Variants in CDC5L observed in about 807,000 individuals in gnomAD.
CDC5L encodes cell division cycle 5 like.
In CDC5L, 18 loss-of-function variants were observed where a neutral mutation model predicts 104.1. The observed-to-expected ratio is 0.17, with a 90% CI of 0.12 to 0.26. CDC5L has a LOEUF of 0.26. CDC5L is among the 10% of genes least tolerant of loss of function. The pLI, the probability that CDC5L is intolerant of heterozygous loss-of-function variation, is 1.00. For synonymous variants in CDC5L, 331 were observed against 322.7 expected (o/e 1.03, Z -0.28); for missense variants, 673 against 956.9 (o/e 0.70, Z 3.91).
chr6:44,395,844 C>A (rs1299007239), intron 4 of CDC5L, among the ~76,000 whole-genome samples: 3 of 151,332 alleles, frequency 2.0e-5, no homozygotes, highest in Non-Finnish European at 4.4e-5. Context: ...TATAGAGCCA[C>A]GAAAAATGTA....
rs35350278 is a variant in CDC5L, at chr6:44,450,021, AC to A, written c.*3312del. ...TGGGACTACAGGCATGTGCCACCGC[AC>A]CTGGCTAATTTTTGTGTTTTTAGTA... is the stretch of plus-strand genomic sequence containing the variant. On this transcript the variant is annotated 3_prime_UTR_variant, in exon 16 of 16. Coordinates refer to ENST00000371477, the MANE Select transcript of CDC5L (RefSeq NM_001253.4). The A allele has an allele frequency of 0.18, 26,619 of 151,854 alleles. 3,568 individuals are homozygous for A. Among genetic ancestry groups the A allele is most frequent in the East Asian group, 0.73 (3,767 of 5,148 alleles). The allele number at this position is 151,854 out of a possible 1,614,324, so 9.4% of individuals were successfully genotyped here. A position where few individuals can be genotyped will look rare whatever the true frequency, so the allele number is the denominator to read the frequency against.
rs544625587 is a variant in CDC5L at position 44,402,225 on chromosome 6, G to A, written c.540-1584G>A. 4.7e-5 allele frequency among the ~76,000 whole-genome samples: 7 copies of A among 148,350 alleles called. 1 individual carries two copies. The highest frequency in any genetic ancestry group is 1.5e-4 in the African/African-American group (6 of 40,072). On this transcript the variant is annotated intron_variant, in intron 5 of 15. Coordinates refer to ENST00000371477, the MANE Select transcript of CDC5L (RefSeq NM_001253.4). ...TCTAGTTCTAGATCCCTGAGGAATCGCCACACTGACTTCCACAATGGTTGA... is the reference window on the plus strand; with the variant it reads ...TCTAGTTCTAGATCCCTGAGGAATCACCACACTGACTTCCACAATGGTTGA...
intron 10 of CDC5L, 91 bp downstream of exon 10, chr6:44,422,900 A>G: frequency 1.4e-6 from 1 of 727,452 alleles, no homozygotes; most frequent in South Asian, 2.1e-5. Context: ...TGCATATCAC[A>G]TATACCTTAA....
At chr6:44,440,000 C>T (rs915035510) in intron 14 of CDC5L, among the ~76,000 whole-genome samples, 9 of 151,982 alleles carry the variant, frequency 5.9e-5, no homozygotes, top group Non-Finnish European at 8.8e-5. Context: ...ATAATCATTG[C>T]CATGGAACTT....
chr6:44,445,609 C>T (rs748585939), intron 14 of CDC5L, 46 bp from the exon 15 acceptor site: 2 of 1,403,936 alleles, frequency 1.4e-6, no homozygotes, highest in Non-Finnish European at 9.9e-7. Flanking sequence ...TATTTAATAG[C>T]CTGCTTTTCT....
At chr6:44,421,580 G>A (rs1211618533) in intron 9 of CDC5L, among the ~76,000 whole-genome samples, 1 of 152,054 alleles carries the variant, frequency 6.6e-6, no homozygotes, top group Non-Finnish European at 1.5e-5. Flanking sequence ...ATGTTTAGTC[G>A]GCTCTCTGTA....
chr6:44,428,544 A>G (rs1346847858), intron 13 of CDC5L, among the ~76,000 whole-genome samples: 2 of 152,130 alleles, frequency 1.3e-5, no homozygotes, highest in Admixed American at 1.3e-4. Flanking sequence ...TCCTAATAAC[A>G]AACACATCTG....
At chr6:44,387,984 G>A in intron 1 of CDC5L, 116 bp downstream of exon 1, 1 of 924,986 alleles carries the variant, frequency 1.1e-6, no homozygotes, top group Non-Finnish European at 1.6e-6. Context: ...GTGGAGGGCA[G>A]CCCGGGGGCT....
chr6:44,401,174 C>T (rs2153376173), intron 5 of CDC5L, among the ~76,000 whole-genome samples: 1 of 152,166 alleles, frequency 6.6e-6, no homozygotes, highest in African/African-American at 2.4e-5. Context: ...GTGGATCTCT[C>T]AGTTCTGTGT....
chr6:44,400,972 G>T (rs1014273491), intron 5 of CDC5L, among the ~76,000 whole-genome samples: 1 of 152,140 alleles, frequency 6.6e-6, no homozygotes, highest in Non-Finnish European at 1.5e-5. Context: ...CCCCAGAAGG[G>T]CTCCTCCCAG....
intron 7 of CDC5L, among the ~76,000 whole-genome samples, chr6:44,407,372 G>C (rs1476337741): frequency 6.6e-6 from 1 of 151,682 alleles, no homozygotes; most frequent in Non-Finnish European, 1.5e-5. Context: ...CTGTCGCCAG[G>C]CTGGAGTACC....
At chr6:44,419,664 A>T in intron 9 of CDC5L, 67 bp downstream of exon 9, 1 of 1,253,636 alleles carries the variant, frequency 8.0e-7, no homozygotes, top group Admixed American at 1.7e-5. Flanking sequence ...TATTTGCTTT[A>T]GTAATGTTTA....
intron 6 of CDC5L, among the ~76,000 whole-genome samples, chr6:44,406,060 C>T (rs1367778732): frequency 3.3e-5 from 5 of 152,042 alleles, no homozygotes; most frequent in Admixed American, 6.6e-5. Context: ...CACCACTATG[C>T]CTGGCTAATT....
In CDC5L at chr6:44,411,637, A is replaced by AGAGTGTGTGTGTGTGTGTGTGT; in HGVS notation, c.1092+3006_1092+3007insAGTGTGTGTGTGTGTGTGTGTG. On this transcript the variant is annotated intron_variant, in intron 8 of 15. Coordinates refer to ENST00000371477, the MANE Select transcript of CDC5L (RefSeq NM_001253.4). ...GAGAGAGAGAGAGAGAGAGAGAGAGAGTGTGTGTGTGTGTGTGACTAAAAA... is the reference window on the plus strand; with the variant it reads ...GAGAGAGAGAGAGAGAGAGAGAGAGAGAGTGTGTGTGTGTGTGTGTGTGTGTGTGTGTGTGTGTGACTAAAAA... 1.1e-3 allele frequency among the ~76,000 whole-genome samples: 134 copies of AGAGTGTGTGTGTGTGTGTGTGT among 123,740 alleles called. 3 individuals are homozygous for AGAGTGTGTGTGTGTGTGTGTGT. In the East Asian group the frequency reaches 0.031, roughly 28 times the overall value. The allele number at this position is 123,740 out of a possible 152,430, so 81.2% of individuals were successfully genotyped here. A position where few individuals can be genotyped will look rare whatever the true frequency, so the allele number is the denominator to read the frequency against.
Position 44,441,427 on chromosome 6 carries a change from A to C in CDC5L, c.2092-4228A>C, listed in dbSNP as rs530610924. ...AATGCTGTAAAGAACGTGGAAGTGC[A>C]GACATCTCTTTGACATACTGATTTC... On this transcript the variant is annotated intron_variant, in intron 14 of 15. Transcript: ENST00000371477. Among the ~76,000 whole-genome samples, 154 of 152,364 alleles carry C rather than the reference A, an allele frequency of 1.0e-3. No homozygotes were observed. In the Middle Eastern group the frequency reaches 0.031, roughly 30 times the overall value.
chr6:44,391,527 C>T lies in CDC5L; in HGVS notation c.150-1140C>T, dbSNP rs568921351. Among the ~76,000 whole-genome samples the T allele has an allele frequency of 5.6e-3, 848 of 152,054 alleles. 5 individuals carry two copies. The highest frequency in any genetic ancestry group is 9.4e-3 in the Non-Finnish European group (640 of 67,968). On this transcript the variant is annotated intron_variant, in intron 2 of 15. Coordinates refer to ENST00000371477, the MANE Select transcript of CDC5L (RefSeq NM_001253.4). The stretch of plus-strand genomic sequence containing the variant: ...CCTCCCAGAGTGCTGGGATTACAGG[C>T]GTGAGCCACCGCGCCCGGCTGGTGT...
chr6:44,414,463 TTACTC>T (rs1215468459), intron 8 of CDC5L, among the ~76,000 whole-genome samples: 1 of 151,350 alleles, frequency 6.6e-6, no homozygotes, highest in African/African-American at 2.4e-5. Context: ...TTCATCTTCT[TTACTC>T]ATTTTTAAAT....
At chr6:44,407,344 T>C (rs1791415590) in intron 7 of CDC5L, among the ~76,000 whole-genome samples, 1 of 152,090 alleles carries the variant, frequency 6.6e-6, no homozygotes, top group Non-Finnish European at 1.5e-5. Flanking sequence ...TTTTTTTTTT[T>C]TGAGACGGAG....
intron 10 of CDC5L, 82 bp from the exon 11 acceptor site, chr6:44,424,337 C>G (rs1034930269): frequency 1.2e-5 from 14 of 1,193,996 alleles, no homozygotes; most frequent in Admixed American, 2.2e-5. Flanking sequence ...CCCTGTTGTG[C>G]TATCAATTTT....
Sources: allele counts gnomAD v4.1 joint callset (sites outside exome capture counted in the v4.1 genomes callset), GRCh38; gene constraint gnomAD v4.1.1; transcripts MANE v1.5; gene names NCBI Gene and HGNC (gene_info 2026-07-23, HGNC 2026-07-21).